The following SYNE1 variants were observed in gnomAD, a reference collection of about 807,000 sequenced individuals.
The protein encoded by SYNE1 is spectrin repeat containing nuclear envelope protein 1.
In SYNE1, 616 loss-of-function variants were observed where a neutral mutation model predicts 1,111.0. The observed-to-expected ratio is 0.55, with a 90% confidence interval of 0.52 to 0.59. The LOEUF is 0.59. Among genes scored for constraint, SYNE1 ranks in the 20% least tolerant of loss-of-function variants. The probability of loss-of-function intolerance (pLI) is 0.00; values close to 1 mark genes in which losing one functional copy is unlikely to be tolerated. For missense variants in SYNE1, 10,006 were observed against 10,417.0 expected (o/e 0.96, Z 1.72); for synonymous variants, 3,855 against 3,825.8 (o/e 1.01, Z -0.28).
At chr6:152,161,928 G>A (rs932612724) in intron 131 of SYNE1, among the ~76,000 whole-genome samples, 83 of 152,184 alleles carry the variant, frequency 5.5e-4, no homozygotes, top group Admixed American at 5.4e-3. Flanking sequence ...AAGCGGGCTG[G>A]GAGCCCTAGC....
At chr6:152,356,835 C>G (rs187320685) in intron 66 of SYNE1, among the ~76,000 whole-genome samples, 172 of 152,254 alleles carry the variant, frequency 1.1e-3, no homozygotes, top group African/African-American at 4.0e-3. Context: ...GTTTGCACCA[C>G]ACGAATACCG....
At chr6:152,509,241 T>G (rs1051133039) in intron 8 of SYNE1, among the ~76,000 whole-genome samples, 1 of 129,974 alleles carries the variant, frequency 7.7e-6, no homozygotes, top group Non-Finnish European at 1.5e-5. Flanking sequence ...TTTTCTTTTT[T>G]CTTTTTCTTT....
intron 73 of SYNE1, among the ~76,000 whole-genome samples, chr6:152,345,154 T>C (rs1247321899): frequency 2.6e-5 from 4 of 152,196 alleles, no homozygotes; most frequent in Admixed American, 2.6e-4. Flanking sequence ...AATTATGAAG[T>C]TCTGATTATG....
intron 78 of SYNE1, among the ~76,000 whole-genome samples, chr6:152,329,251 C>T (rs1206717320): frequency 6.6e-6 from 1 of 152,214 alleles, no homozygotes; most frequent in Non-Finnish European, 1.5e-5. Context: ...CCTGGCCAGG[C>T]ACGGTGGCTC....
chr6:152,256,893 A>G, intron 101 of SYNE1, 128 bp from the exon 102 acceptor site: 2 of 1,367,666 alleles, frequency 1.5e-6, no homozygotes, highest in Non-Finnish European at 1.0e-6. Flanking sequence ...AGAGAAATAT[A>G]ACTTCTACAA....
intron 63 of SYNE1, chr6:152,363,918 C>T (rs1395188679): frequency 2.9e-6 from 1 of 347,842 alleles, no homozygotes; most frequent in African/African-American, 2.2e-5. Context: ...GTTGCAGTTG[C>T]TCACAACGGT....
intron 140 of SYNE1, among the ~76,000 whole-genome samples, chr6:152,138,115 C>A (rs1301263145): frequency 1.3e-5 from 2 of 152,082 alleles, no homozygotes; most frequent in Non-Finnish European, 2.9e-5. Flanking sequence ...GGTACTTTGT[C>A]CTGAAATTCA....
chr6:152,397,738 C>T (rs1032175228), intron 49 of SYNE1, among the ~76,000 whole-genome samples: 12 of 152,164 alleles, frequency 7.9e-5, no homozygotes, highest in South Asian at 2.1e-4. Flanking sequence ...CATGGTGGCT[C>T]ATGTTTGTAA....
At position 152,511,056 on chromosome 6, in the gene SYNE1, G is replaced by A; in HGVS notation, c.357C>T (p.Pro119=). Residue 119 remains proline, a synonymous_variant, in exon 7 of 146, where the codon CCC becomes CCT. Transcript: ENST00000367255. ...INSTDIADGR[P]SIVLGLMWTI... Reference sequence around the variant, plus strand: ...TCCACATCAATCCAAGAACTATTGAGGGTCGGCCATCAGCTATATCGGTGG... The same window carrying A: ...TCCACATCAATCCAAGAACTATTGAAGGTCGGCCATCAGCTATATCGGTGG... 1 of 1,613,970 alleles carries A rather than the reference G, an allele frequency of 6.2e-7. No individual in the cohort carries two copies. Among genetic ancestry groups the A allele is most frequent in the Non-Finnish European group, 8.5e-7 (1 of 1,179,916 alleles).
At chr6:152,155,301 A>G (rs888483245) in intron 132 of SYNE1, 1 of 460,496 alleles carries the variant, frequency 2.2e-6, no homozygotes, top group Non-Finnish European at 4.0e-6. Context: ...AATTACAAGC[A>G]CATCACACGA....
chr6:152,465,599 A>G (rs2098759735), intron 17 of SYNE1, 139 bp from the exon 18 acceptor site: 5 of 786,906 alleles, frequency 6.4e-6, no homozygotes, highest in Middle Eastern at 3.4e-4. Context: ...TATGACAGAC[A>G]TAATTACAAA....
At chr6:152,614,096 A>G (rs957970780) in intron 3 of SYNE1, among the ~76,000 whole-genome samples, 5 of 152,232 alleles carry the variant, frequency 3.3e-5, no homozygotes, top group Admixed American at 2.6e-4. Flanking sequence ...CATGACTAAA[A>G]CACCAAAAGC....
chr6:152,223,589 G>T (rs2080755564), intron 117 of SYNE1, among the ~76,000 whole-genome samples: 1 of 151,900 alleles, frequency 6.6e-6, no homozygotes, highest in African/African-American at 2.4e-5. Flanking sequence ...CTGCACTCCA[G>T]TCTGGGCGAC....
At chr6:152,508,382 C>A (rs186548036) in intron 8 of SYNE1, among the ~76,000 whole-genome samples, 7 of 152,190 alleles carry the variant, frequency 4.6e-5, no homozygotes, top group African/African-American at 1.7e-4. Context: ...ACTGATGTTA[C>A]CAACATATAA....
rs1428744985 is a variant in SYNE1, at chr6:152,373,097, A to G, written c.9447T>C (p.Ala3149=). 1 of 1,614,024 alleles carries G rather than the reference A, an allele frequency of 6.2e-7. No individual in the cohort carries two copies. The highest frequency in any genetic ancestry group is 8.5e-7 in the Non-Finnish European group (1 of 1,180,030). The change falls in exon 59 of 146, where the codon GCT becomes GCC. Residue 3149 remains alanine, a synonymous_variant. Coordinates refer to ENST00000367255, the MANE Select transcript of SYNE1 (RefSeq NM_182961.4). ...GAAAATTTTTCCAATCTTCTTTTGC[A>G]GCTGTAACTTTGGCCTGGATCCCTT... The part of the protein sequence containing the change: ...KAKGIQAKVT[A]AKEDWKNFHS...
chr6:152,155,068 T>G lies in SYNE1; in HGVS notation c.23979-26A>C, dbSNP rs746676009. 57 of 1,613,648 alleles carry G rather than the reference T, an allele frequency of 3.5e-5. No homozygotes were observed. In the Admixed American group the frequency reaches 9.3e-4, roughly 26 times the overall value. On this transcript the variant is annotated intron_variant, in intron 132 of 145. Transcript: ENST00000367255. ...CTGGGGCGGAAAATGAAAGAACAGA[T>G]TCAGATTATTGGAGACTGTTTTCGC...
At position 152,407,055 on chromosome 6, in the gene SYNE1, C is replaced by T; in HGVS notation, c.6682G>A (p.Asp2228Asn). ...AGTTCTTCAGCTCTGAGGTGGTTAT[C>T]CAGGTTGCTGATGTTTTCTGCCATC... is the stretch of plus-strand genomic sequence containing the variant. ...PQMAENISNL[D>N]NHLRAEELLK... Residue 2228 changes from aspartate (D) to asparagine (N), a missense_variant, in exon 45 of 146, where the codon GAT becomes AAT. Asp to Asn is a conservative substitution (Grantham distance 23). Transcript: ENST00000367255. 2 of 1,613,600 alleles carry T rather than the reference C, an allele frequency of 1.2e-6. No homozygotes were observed. Among genetic ancestry groups the T allele is most frequent in the Non-Finnish European group, 1.7e-6 (2 of 1,179,940 alleles).
chr6:152,353,178 C>A (rs933636449), intron 69 of SYNE1, 85 bp downstream of exon 69: 3 of 1,520,376 alleles, frequency 2.0e-6, no homozygotes, highest in Admixed American at 1.7e-5. Flanking sequence ...GGGATGATCA[C>A]CTGTGTTTCC....
Position 152,253,838 on chromosome 6 carries a change from T to G in SYNE1, c.19470+1042A>C, listed in dbSNP as rs28497708. Among the ~76,000 whole-genome samples the G allele has an allele frequency of 3.0e-4, 24 of 79,086 alleles. 1 individual carries two copies. The highest frequency in any genetic ancestry group is 5.1e-4 in the African/African-American group (8 of 15,646). The allele number at this position is 79,086 out of a possible 152,430, so 51.9% of individuals were successfully genotyped here. A position where few individuals can be genotyped will look rare whatever the true frequency, so the allele number is the denominator to read the frequency against. Reference sequence around the variant, plus strand: ...GTTTGGTTTTTTTTTTTTTTTTTTTTTTTTTTTTTTTTTTTTTTTTTTGCA... The same window carrying G: ...GTTTGGTTTTTTTTTTTTTTTTTTTGTTTTTTTTTTTTTTTTTTTTTTGCA... On this transcript the variant is annotated intron_variant, in intron 104 of 145. Coordinates refer to ENST00000367255, the MANE Select transcript of SYNE1 (RefSeq NM_182961.4).
Sources: allele counts gnomAD v4.1 joint callset (sites outside exome capture counted in the v4.1 genomes callset), GRCh38; gene constraint gnomAD v4.1.1; transcripts MANE v1.5; gene names NCBI Gene and HGNC (gene_info 2026-07-23, HGNC 2026-07-21).